Variants in PVALEF observed in about 807,000 individuals in gnomAD.
The protein encoded by PVALEF is parvalbumin-like EF-hand-containing protein.
Under a neutral mutation model 1.2 loss-of-function variants are expected in PVALEF, and 2 were observed. The observed-to-expected ratio is 1.68, with a 90% confidence interval of 0.69 to 5.28. The LOEUF (loss-of-function observed/expected upper bound fraction) is 5.28, where lower values mean the gene tolerates loss of function less well. PVALEF is among the 30% of genes most tolerant of loss of function. The pLI is 0.06. For synonymous variants in PVALEF, 16 were observed against 6.5 expected, an observed-to-expected ratio of 2.47 and a Z score of -2.24; for missense variants, 35 against 17.7, an observed-to-expected ratio of 1.97 and a Z score of -1.75.
At chr17:81,182,595 C>A (rs901356902) in intron 6 of PVALEF, among the ~76,000 whole-genome samples, 22 of 152,192 alleles carry the variant, frequency 1.4e-4, no homozygotes, top group African/African-American at 5.1e-4. Context: ...AGAACTCAGG[C>A]CCCCCAGCTG....
intron 6 of PVALEF, among the ~76,000 whole-genome samples, chr17:81,182,649 C>T (rs1323001890): frequency 1.3e-5 from 2 of 152,224 alleles, no homozygotes; most frequent in Non-Finnish European, 2.9e-5. Flanking sequence ...CATCAATGAG[C>T]ACCTGCTCTC....
At chr17:81,165,850 A>G in intron 1 of PVALEF, 103 bp downstream of exon 1, 1 of 1,528,174 alleles carries the variant, frequency 6.5e-7, no homozygotes. Flanking sequence ...GTTAATTTCC[A>G]TGCAAACCGG....
chr17:81,166,102 G>T, intron 1 of PVALEF: 2 of 576,324 alleles, frequency 3.5e-6, no homozygotes, highest in Non-Finnish European at 4.4e-6. Flanking sequence ...TGCGGAGCGC[G>T]CCGGCCCCCG....
chr17:81,182,699 G>C (rs1453518804), intron 6 of PVALEF, among the ~76,000 whole-genome samples: 1 of 152,244 alleles, frequency 6.6e-6, no homozygotes, highest in Admixed American at 6.5e-5. Context: ...TCTGCAGAGA[G>C]CCAGGCCACT....
chr17:81,179,757 G>A (rs78858732), intron 3 of PVALEF, among the ~76,000 whole-genome samples: 4,660 of 152,256 alleles, frequency 0.031, 103 homozygotes, highest in African/African-American at 0.069. Context: ...CACAGCTTCC[G>A]AGAATGGAAG....
chr17:81,167,007 T>C (rs1330812496), intron 2 of PVALEF, among the ~76,000 whole-genome samples, 163 bp downstream of exon 2: 1 of 152,074 alleles, frequency 6.6e-6, no homozygotes, highest in Non-Finnish European at 1.5e-5. Flanking sequence ...TAAAGTTCAG[T>C]GGAAGCTGGT....
rs1598252086 is a variant in PVALEF at position 81,181,123 on chromosome 17, C to G, written c.-104C>G. ...GCCTGTCACCATTCCCACTTTACAG[C>G]AGGATCCAGCACCACGCGGCGTCTA... is the stretch of plus-strand genomic sequence containing the variant. On this transcript the variant is annotated splice_region_variant and 5_prime_UTR_variant, in exon 4 of 7. Transcript: ENST00000637878. The G allele has an allele frequency of 1.5e-6, 1 of 662,276 alleles. No individual in the cohort carries two copies. Among genetic ancestry groups the G allele is most frequent in the African/African-American group, 1.8e-5 (1 of 56,122 alleles). 41.0% of individuals were successfully genotyped at this position (662,276 alleles called of 1,614,324 possible).
Position 81,166,814 on chromosome 17 carries a change from C to T in PVALEF, c.-370C>T, listed in dbSNP as rs943677008. On this transcript the variant is annotated 5_prime_UTR_variant, in exon 2 of 7. Transcript: ENST00000637878. ...CGACAGCCATGAAGGAAGAACCTGGCTGAGTCTCCACCTGCCGTGGACTGT... is the reference window on the plus strand; with the variant it reads ...CGACAGCCATGAAGGAAGAACCTGGTTGAGTCTCCACCTGCCGTGGACTGT... 2.2e-6 allele frequency: 1 copy of T among 454,176 alleles called. No homozygotes were observed. Among genetic ancestry groups the T allele is most frequent in the African/African-American group, 2.0e-5 (1 of 50,008 alleles). 28.1% of individuals were successfully genotyped at this position (454,176 alleles called of 1,614,324 possible). A position where few individuals can be genotyped will look rare whatever the true frequency, so the allele number is the denominator to read the frequency against.
Position 81,183,011 on chromosome 17 carries a change from G to GC in PVALEF, c.*1dup. The GC allele has an allele frequency of 2.5e-6, 1 of 398,718 alleles. No individual in the cohort carries two copies. The highest frequency in any genetic ancestry group is 4.4e-6 in the Non-Finnish European group (1 of 226,088). The allele number at this position is 398,718 out of a possible 1,614,324, so 24.7% of individuals were successfully genotyped here. ...AGGAGAAAATTCCAAAGAAGAAGTA[G>GC]CACCATGACTAGCCCTGGCCAGCCA... On this transcript the variant is annotated 3_prime_UTR_variant, in exon 7 of 7. Transcript: ENST00000637878.
chr17:81,177,107 A>C (rs567807150), intron 2 of PVALEF, among the ~76,000 whole-genome samples: 1 of 151,560 alleles, frequency 6.6e-6, no homozygotes, highest in Non-Finnish European at 1.5e-5. Context: ...CCGTATTTTT[A>C]GTAGAGACAG....
At chr17:81,167,267 C>T (rs1002242319) in intron 2 of PVALEF, among the ~76,000 whole-genome samples, 3 of 146,942 alleles carry the variant, frequency 2.0e-5, no homozygotes, top group African/African-American at 4.9e-5. Flanking sequence ...CACTCCAGCC[C>T]GGGTGACAAC....
intron 2 of PVALEF, among the ~76,000 whole-genome samples, chr17:81,171,304 G>A (rs534558636): frequency 7.9e-5 from 12 of 152,118 alleles, no homozygotes; most frequent in South Asian, 2.1e-4. Flanking sequence ...TGCTGGTTCC[G>A]GGAGCTTTGG....
At chr17:81,178,333 T>TCA (rs2061542269) in intron 2 of PVALEF, among the ~76,000 whole-genome samples, 1 of 152,040 alleles carries the variant, frequency 6.6e-6, no homozygotes, top group African/African-American at 2.4e-5. Flanking sequence ...CCTGGCTTCC[T>TCA]CACAGGCCTG....
chr17:81,178,682 G>A (rs192052624), intron 2 of PVALEF, among the ~76,000 whole-genome samples: 6 of 152,124 alleles, frequency 3.9e-5, no homozygotes, highest in East Asian at 1.9e-4. Context: ...CCAGAGCTGG[G>A]GGGGGCAGGG....
rs2061559937 is a variant in PVALEF, at chr17:81,182,987, G to A, written c.381G>A (p.Lys127=). 1 of 398,590 alleles carries A rather than the reference G, an allele frequency of 2.5e-6. No homozygotes were observed. The highest frequency in any genetic ancestry group is 2.1e-5 in the African/African-American group (1 of 48,644). The allele number at this position is 398,590 out of a possible 1,614,324, so 24.7% of individuals were successfully genotyped here. Residue 127 remains lysine (K), a synonymous_variant, in exon 7 of 7, where the codon AAG becomes AAA. Coordinates refer to ENST00000637878, the MANE Select transcript of PVALEF (RefSeq NM_001354639.2). ...TAGAATTTTCTGAATTGATCAAAAA[G>A]GAGAAAATTCCAAAGAAGAAGTAGC... The part of the protein sequence containing the change: ...NYEEFSELIK[K]EKIPKKK
At chr17:81,176,522 C>CA (rs1245768883) in intron 2 of PVALEF, among the ~76,000 whole-genome samples, 3 of 147,378 alleles carry the variant, frequency 2.0e-5, no homozygotes, top group Non-Finnish European at 4.5e-5. Context: ...CATCTCAAAA[C>CA]AAAAAAAAGG....
chr17:81,174,113 C>G (rs1490616907), intron 2 of PVALEF, among the ~76,000 whole-genome samples: 2 of 152,234 alleles, frequency 1.3e-5, no homozygotes, highest in African/African-American at 4.8e-5. Context: ...AAATGCTCAA[C>G]AAGCTATGAA....
Position 81,180,031 on chromosome 17 carries a change from A to T in PVALEF, c.-105+879A>T, listed in dbSNP as rs1489000199. Reference sequence around the variant, plus strand: ...CATCCCAGCTCACTGGGATCCCATTAAACTCCAGCCCGGGCCGCGGATGCA... The same window carrying T: ...CATCCCAGCTCACTGGGATCCCATTTAACTCCAGCCCGGGCCGCGGATGCA... On this transcript the variant is annotated intron_variant, in intron 3 of 6. Coordinates refer to ENST00000637878, the MANE Select transcript of PVALEF (RefSeq NM_001354639.2). 5.9e-5 allele frequency among the ~76,000 whole-genome samples: 9 copies of T among 152,192 alleles called. No homozygotes were observed. In the East Asian group the frequency reaches 1.5e-3, roughly 26 times the overall value.
At position 81,165,646 on chromosome 17, in the gene PVALEF, C is replaced by G. The variant is rs368782979; in HGVS notation, c.-609C>G. On this transcript the variant is annotated 5_prime_UTR_variant, in exon 1 of 7. Transcript: ENST00000637878. ...AGTCTGAGACCAACTCTCCTGGACA[C>G]CAGGGGCCCACGCAGGCCCTCCGTG... is the stretch of plus-strand genomic sequence containing the variant. 1 of 1,482,916 alleles carries G rather than the reference C, an allele frequency of 6.7e-7. No homozygotes were observed. Among genetic ancestry groups the G allele is most frequent in the Non-Finnish European group, 9.0e-7 (1 of 1,113,214 alleles). 91.9% of individuals were successfully genotyped at this position (1,482,916 alleles called of 1,614,324 possible). A position where few individuals can be genotyped will look rare whatever the true frequency, so the allele number is the denominator to read the frequency against.
Sources: allele counts gnomAD v4.1 joint callset (sites outside exome capture counted in the v4.1 genomes callset), GRCh38; gene constraint gnomAD v4.1.1; transcripts MANE v1.5; gene names NCBI Gene and HGNC (gene_info 2026-07-23, HGNC 2026-07-21).